Variants in PTPRD observed in about 807,000 individuals in gnomAD.
PTPRD encodes receptor-type tyrosine-protein phosphatase delta.
In PTPRD, 34 loss-of-function variants were observed where a neutral mutation model predicts 214.5. The ratio of observed to expected loss-of-function variants is 0.16; its 90% CI spans 0.12 to 0.21. The LOEUF is 0.21. Ranked by LOEUF, PTPRD falls within the 10% of genes least tolerant of loss-of-function variation. PTPRD has a pLI of 1.00. For synonymous variants in PTPRD, 1,128 were observed against 845.7 expected (o/e 1.33, Z -5.79); for missense variants, 2,545 against 2,398.7 (o/e 1.06, Z -1.27).
intron 5 of PTPRD, among the ~76,000 whole-genome samples, chr9:9,781,215 CA>C (rs900737186): frequency 5.9e-5 from 9 of 152,086 alleles, no homozygotes; most frequent in African/African-American, 1.9e-4. Flanking sequence ...AGTGGTTCAT[CA>C]GGGGTAACAA....
At chr9:9,214,118 T>C (rs756533522) in intron 9 of PTPRD, among the ~76,000 whole-genome samples, 2 of 152,136 alleles carry the variant, frequency 1.3e-5, no homozygotes, top group Non-Finnish European at 2.9e-5. Flanking sequence ...CAACAGAGTG[T>C]TGTCTGCCCC....
chr9:10,190,964 T>C (rs1313405073), intron 3 of PTPRD, among the ~76,000 whole-genome samples: 6 of 152,120 alleles, frequency 3.9e-5, no homozygotes, highest in Non-Finnish European at 1.5e-5. Context: ...TAAAATAGTA[T>C]GATATCCCTT....
chr9:9,933,914 A>T (rs1232020034), intron 5 of PTPRD, among the ~76,000 whole-genome samples: 1 of 147,526 alleles, frequency 6.8e-6, no homozygotes, highest in Non-Finnish European at 1.5e-5. Context: ...AGAACTCAGG[A>T]TTAAGAATCT....
At chr9:9,170,339 G>C (rs1159762000) in intron 10 of PTPRD, among the ~76,000 whole-genome samples, 1 of 152,110 alleles carries the variant, frequency 6.6e-6, no homozygotes, top group African/African-American at 2.4e-5. Context: ...ACTTATGTTA[G>C]ATTTCACTGT....
At chr9:10,190,312 T>C (rs2099357103) in intron 3 of PTPRD, among the ~76,000 whole-genome samples, 2 of 138,622 alleles carry the variant, frequency 1.4e-5, no homozygotes, top group East Asian at 2.2e-4. Flanking sequence ...TTGCAGTGAA[T>C]TGAGATCCAA....
intron 9 of PTPRD, among the ~76,000 whole-genome samples, chr9:9,313,658 G>C (rs932268312): frequency 1.3e-5 from 2 of 152,180 alleles, no homozygotes; most frequent in African/African-American, 2.4e-5. Context: ...ATTAGGAAGA[G>C]TGTTTTGCTG....
intron 7 of PTPRD, among the ~76,000 whole-genome samples, chr9:9,663,782 T>C (rs544651518): frequency 6.6e-6 from 1 of 151,708 alleles, no homozygotes; most frequent in Admixed American, 6.6e-5. Flanking sequence ...GTATATAATA[T>C]ATGGCATGTT....
At chr9:9,734,717 G>C (rs1487967624) in intron 6 of PTPRD, 146 bp from the exon 7 acceptor site, 3 of 152,088 alleles carry the variant, frequency 2.0e-5, no homozygotes, top group African/African-American at 7.2e-5. Context: ...AATTTCTGTA[G>C]ATGAAAATGT....
intron 8 of PTPRD, among the ~76,000 whole-genome samples, chr9:9,495,617 A>C (rs2096143394): frequency 6.6e-6 from 1 of 152,098 alleles, no homozygotes; most frequent in African/African-American, 2.4e-5. Context: ...ACTTAGGGGA[A>C]GATGATCTGC....
chr9:8,639,478 C>T (rs1273218920), intron 12 of PTPRD, among the ~76,000 whole-genome samples: 1 of 152,146 alleles, frequency 6.6e-6, no homozygotes, highest in Non-Finnish European at 1.5e-5. Flanking sequence ...AGCCCAGCTT[C>T]CCATTTAAGT....
intron 3 of PTPRD, among the ~76,000 whole-genome samples, chr9:10,034,289 T>C (rs983894085): frequency 6.6e-6 from 1 of 152,128 alleles, no homozygotes; most frequent in African/African-American, 2.4e-5. Flanking sequence ...TGACATTCTT[T>C]CTTACGATAA....
At chr9:9,544,257 A>T (rs1166416939) in intron 8 of PTPRD, among the ~76,000 whole-genome samples, 1 of 151,694 alleles carries the variant, frequency 6.6e-6, no homozygotes, top group Non-Finnish European at 1.5e-5. Flanking sequence ...GCAAGTATTA[A>T]CCATTTGTAA....
intron 11 of PTPRD, among the ~76,000 whole-genome samples, chr9:8,821,807 G>C (rs1600894336): frequency 6.6e-6 from 1 of 152,150 alleles, no homozygotes; most frequent in Non-Finnish European, 1.5e-5. Flanking sequence ...TGGGATTACA[G>C]GCAACTGCCA....
At chr9:9,573,775 T>C (rs760380285) in intron 8 of PTPRD, among the ~76,000 whole-genome samples, 39 of 151,828 alleles carry the variant, frequency 2.6e-4, no homozygotes, top group Non-Finnish European at 4.7e-4. Flanking sequence ...ATGACACTTG[T>C]TTTAAACAAT....
intron 10 of PTPRD, among the ~76,000 whole-genome samples, chr9:9,056,351 C>T (rs2099696221): frequency 6.6e-6 from 1 of 152,096 alleles, no homozygotes; most frequent in Admixed American, 6.6e-5. Context: ...GCAAAGAAGC[C>T]ATAAAAAACA....
At chr9:10,299,600 C>T (rs914934159) in intron 3 of PTPRD, among the ~76,000 whole-genome samples, 16 of 152,112 alleles carry the variant, frequency 1.1e-4, no homozygotes, top group Non-Finnish European at 1.5e-4. Context: ...AATTGCTAAG[C>T]AGACCTTACA....
intron 5 of PTPRD, among the ~76,000 whole-genome samples, chr9:9,813,087 A>G (rs956014249): frequency 2.0e-5 from 3 of 152,108 alleles, no homozygotes; most frequent in Non-Finnish European, 2.9e-5. Flanking sequence ...ATCAAAAAGT[A>G]TAAGGAGACA....
chr9:9,801,333 G>A (rs887134998), intron 5 of PTPRD, among the ~76,000 whole-genome samples: 12 of 85,384 alleles, frequency 1.4e-4, no homozygotes, highest in Non-Finnish European at 1.4e-4. Context: ...AAGCTAAAGA[G>A]GATTAAAAAA....
chr9:10,562,562 T>C (rs1270989654), intron 2 of PTPRD, among the ~76,000 whole-genome samples: 1 of 152,186 alleles, frequency 6.6e-6, no homozygotes, highest in African/African-American at 2.4e-5. Flanking sequence ...TGAATAATTA[T>C]TTTATTATAT....
Sources: allele counts gnomAD v4.1 joint callset (sites outside exome capture counted in the v4.1 genomes callset), GRCh38; gene constraint gnomAD v4.1.1; transcripts MANE v1.5; gene names NCBI Gene and HGNC (gene_info 2026-07-23, HGNC 2026-07-21).